The following LRRC37B variants were observed in gnomAD, a reference collection of about 807,000 sequenced individuals.
LRRC37B encodes the protein leucine rich repeat containing 37B.
Under a neutral mutation model 98.3 loss-of-function variants are expected in LRRC37B, and 28 were observed. The observed-to-expected ratio is 0.28, with a 90% confidence interval of 0.21 to 0.39. The LOEUF is 0.39. Among genes scored for constraint, LRRC37B ranks in the 10% least tolerant of loss-of-function variants. LRRC37B has a pLI of 1.00. For missense variants in LRRC37B, 938 were observed against 1,182.7 expected, an observed-to-expected ratio of 0.79 and a Z score of 3.03; for synonymous variants, 364 against 442.7, an observed-to-expected ratio of 0.82 and a Z score of 2.23.
chr17:32,044,659 C>T (rs2142259996), intron 7 of LRRC37B, among the ~76,000 whole-genome samples: 1 of 152,222 alleles, frequency 6.6e-6, no homozygotes, highest in Admixed American at 6.5e-5. Context: ...ATGGGCAAAT[C>T]ACTTGAGTCC....
At chr17:32,025,874 C>T (rs566393392) in intron 2 of LRRC37B, among the ~76,000 whole-genome samples, 2 of 152,324 alleles carry the variant, frequency 1.3e-5, no homozygotes, top group South Asian at 2.1e-4. Flanking sequence ...GCATTCATTT[C>T]CCCACACCTT....
At chr17:32,021,620 A>G in exon 1 of LRRC37B, 1 of 1,614,236 alleles carries the variant, frequency 6.2e-7, no homozygotes. Context: ...TTCAAACTAC[A>G]GATCTAGATC....
intron 5 of LRRC37B, among the ~76,000 whole-genome samples, chr17:32,032,712 A>C (rs1359912384): frequency 1.3e-5 from 2 of 152,172 alleles, no homozygotes; most frequent in East Asian, 3.9e-4. Context: ...GCTGATGCTT[A>C]ACTTAGGGAA....
chr17:32,038,981 C>G (rs1180063653), intron 7 of LRRC37B, among the ~76,000 whole-genome samples: 1 of 152,052 alleles, frequency 6.6e-6, no homozygotes, highest in Non-Finnish European at 1.5e-5. Flanking sequence ...TGTTTCTTAC[C>G]TAAGAAATCT....
chr17:32,050,383 A>G (rs1190905724), intron 11 of LRRC37B: 1 of 287,926 alleles, frequency 3.5e-6, no homozygotes, highest in African/African-American at 2.2e-5. Context: ...CTCCCACCCA[A>G]AACTATGTCA....
chr17:32,018,420 T>C (rs1375699655), upstream of LRRC37B, among the ~76,000 whole-genome samples: 2 of 152,220 alleles, frequency 1.3e-5, no homozygotes, highest in Admixed American at 6.5e-5. Flanking sequence ...GATAATTTGT[T>C]TCATTCTCAG....
chr17:32,036,043 C>G, intron 7 of LRRC37B: 1 of 202,536 alleles, frequency 4.9e-6, no homozygotes. Flanking sequence ...CACTGTCACT[C>G]AGGCTGCAGT....
At chr17:32,049,193 C>T (rs1365519431) in exon 10 of LRRC37B, 1 of 1,613,984 alleles carries the variant, frequency 6.2e-7, no homozygotes, top group South Asian at 1.1e-5. Flanking sequence ...TTATCCGGAC[C>T]TTGAAAATGG....
At chr17:32,018,930 T>TTTGTTG (rs534146175), upstream of LRRC37B, among the ~76,000 whole-genome samples, 1 of 152,036 alleles carries the variant, frequency 6.6e-6, no homozygotes, top group Non-Finnish European at 1.5e-5. Flanking sequence ...CATTTTTATC[T>TTTGTTG]TTGTTGTTGT....
chr17:32,036,475 C>T (rs1207045447), intron 7 of LRRC37B, among the ~76,000 whole-genome samples: 1 of 152,010 alleles, frequency 6.6e-6, no homozygotes, highest in East Asian at 1.9e-4. Context: ...AAATTTAAAA[C>T]ACGGTACAAT....
intron 7 of LRRC37B, chr17:32,040,504 G>A (rs2957887): frequency 2.9e-6 from 2 of 691,448 alleles, no homozygotes; most frequent in Non-Finnish European, 2.7e-6. Context: ...GGTCGGAGGG[G>A]CTGAGGGGAC....
At chr17:32,013,890 T>C (rs112374061) in intron 1 of LRRC37B, among the ~76,000 whole-genome samples, 1,680 of 152,326 alleles carry the variant, frequency 0.011, 30 homozygotes, top group African/African-American at 0.038. Flanking sequence ...GTATGATACC[T>C]TTGGCCACTA....
At chr17:32,031,555 G>A (rs1184933274) in intron 5 of LRRC37B, 97 bp downstream of exon 8, 2 of 1,242,160 alleles carry the variant, frequency 1.6e-6, no homozygotes, top group Non-Finnish European at 2.2e-6. Flanking sequence ...TATGAACTCT[G>A]AAAAGTGTGT....
upstream of LRRC37B, chr17:32,020,802 A>T (rs1193098060): frequency 4.8e-5 from 31 of 639,674 alleles, no homozygotes; most frequent in Non-Finnish European, 6.0e-5. Flanking sequence ...TCCCAAGGCC[A>T]GGTCCCGTGA....
At chr17:32,014,897 C>T (rs1910617036) in intron 1 of LRRC37B, among the ~76,000 whole-genome samples, 1 of 152,112 alleles carries the variant, frequency 6.6e-6, no homozygotes, top group African/African-American at 2.4e-5. Context: ...TTTGGGAGGC[C>T]TAGGTGGGTG....
chr17:32,042,023 T>C, intron 7 of LRRC37B: 3 of 355,700 alleles, frequency 8.4e-6, no homozygotes, highest in South Asian at 6.2e-5. Flanking sequence ...CTCCTGGCGA[T>C]GAACCCTAGC....
At chr17:32,012,864 A>G (rs192101954) in intron 1 of LRRC37B, among the ~76,000 whole-genome samples, 66 of 152,284 alleles carry the variant, frequency 4.3e-4, no homozygotes, top group African/African-American at 1.3e-3. Flanking sequence ...TAAAAATACA[A>G]AAATGAGCCA....
chr17:32,021,862 C>T lies in LRRC37B; in HGVS notation c.797C>T (p.Pro266Leu), dbSNP rs1910801518. Residue 266 changes from proline to leucine, a missense_variant, in exon 1 of 12, where the codon CCA (proline) becomes CTA (leucine). By Grantham distance (98) the Pro-to-Leu change is moderately conservative. Transcript: ENST00000327564. ...ACACTGTATCCCGGCAGCCTACCTC[C>T]AGAACTCCGGGTGAACGCAGATGAG... The T allele has an allele frequency of 1.2e-6, 2 of 1,614,182 alleles. No homozygotes were observed. Among genetic ancestry groups the T allele is most frequent in the Non-Finnish European group, 1.7e-6 (2 of 1,180,034 alleles).
intron 3 of LRRC37B, among the ~76,000 whole-genome samples, chr17:32,029,911 A>G (rs1911065732): frequency 6.6e-6 from 1 of 151,996 alleles, no homozygotes; most frequent in Non-Finnish European, 1.5e-5. Flanking sequence ...TGCATCCTCA[A>G]TAATTTCCCA....
Sources: gnomAD v4.1 joint callset for allele counts (sites outside exome capture counted in the v4.1 genomes callset) on GRCh38, gnomAD v4.1.1 for gene constraint, MANE v1.5 for transcripts, NCBI Gene and HGNC (gene_info 2026-07-23, HGNC 2026-07-21) for gene names.